Variants in DCLK3 observed in about 807,000 individuals in gnomAD.
DCLK3 encodes serine/threonine-protein kinase DCLK3.
Under a neutral mutation model 46.4 loss-of-function variants are expected in DCLK3, and 30 were observed. The ratio of observed to expected loss-of-function variants is 0.65; its 90% CI spans 0.48 to 0.88. The LOEUF (loss-of-function observed/expected upper bound fraction) is 0.88. DCLK3 is among the 40% of genes least tolerant of loss of function. DCLK3 has a pLI of 0.00. For missense variants in DCLK3, 846 were observed against 907.1 expected (o/e 0.93, Z 0.87); for synonymous variants, 401 against 339.2 (o/e 1.18, Z -2.00).
intron 2 of DCLK3, among the ~76,000 whole-genome samples, chr3:36,724,991 C>G (rs934638781): frequency 2.4e-4 from 36 of 148,012 alleles, no homozygotes; most frequent in Non-Finnish European, 4.8e-4. Flanking sequence ...CTTTACTCAT[C>G]TGAGCCTCTG....
At chr3:36,718,305 C>A (rs567892553) in intron 3 of DCLK3, 128 bp from the exon 4 acceptor site, 3 of 1,283,930 alleles carry the variant, frequency 2.3e-6, no homozygotes, top group African/African-American at 1.5e-5. Flanking sequence ...TCTCAGCAAC[C>A]AAGAGCCACT....
intron 1 of DCLK3, among the ~76,000 whole-genome samples, chr3:36,745,461 G>T (rs189473887): frequency 1.1e-4 from 16 of 152,222 alleles, no homozygotes; most frequent in African/African-American, 3.6e-4. Flanking sequence ...AATGAATTCG[G>T]TGTTTTAAAC....
chr3:36,759,980 T>G (rs1440225205), intron 1 of DCLK3, among the ~76,000 whole-genome samples: 3 of 152,228 alleles, frequency 2.0e-5, no homozygotes, highest in Non-Finnish European at 4.4e-5. Context: ...GGCCAATGGC[T>G]TATTCATCTC....
intron 1 of DCLK3, among the ~76,000 whole-genome samples, chr3:36,741,245 C>T (rs544979349): frequency 9.9e-5 from 15 of 152,270 alleles, no homozygotes; most frequent in Middle Eastern, 6.8e-3. Context: ...GACTGTCAAA[C>T]GCATGTGCAC....
chr3:36,727,687 C>A (rs1199510195), intron 2 of DCLK3, among the ~76,000 whole-genome samples: 2 of 152,164 alleles, frequency 1.3e-5, no homozygotes, highest in African/African-American at 4.8e-5. Context: ...ATCAGTGGTG[C>A]CACTTGTCTC....
intron 2 of DCLK3, among the ~76,000 whole-genome samples, chr3:36,733,320 C>A (rs965351851): frequency 6.6e-6 from 1 of 152,186 alleles, no homozygotes; most frequent in African/African-American, 2.4e-5. Context: ...TCATTCCTTT[C>A]CACTCTGTTT....
At position 36,713,373 on chromosome 3, in the gene DCLK3, T is replaced by C. The variant is rs1700934356; in HGVS notation, c.*1955A>G. On this transcript the variant is annotated 3_prime_UTR_variant, in exon 5 of 5. Transcript: ENST00000636136. Reference sequence around the variant, plus strand: ...CTAATTTGAGGATTGAAAATTCTCTTTTGGATTTAGTGAAATGAAGGTTAC... The same window carrying C: ...CTAATTTGAGGATTGAAAATTCTCTCTTGGATTTAGTGAAATGAAGGTTAC... The C allele has an allele frequency of 6.6e-6, 1 of 152,210 alleles. No individual in the cohort carries two copies. Among genetic ancestry groups the C allele is most frequent in the Non-Finnish European group, 1.5e-5 (1 of 68,038 alleles). 9.4% of individuals were successfully genotyped at this position (152,210 alleles called of 1,614,324 possible).
intron 4 of DCLK3, 99 bp downstream of exon 4, chr3:36,717,911 C>G (rs1436389604): frequency 2.7e-6 from 4 of 1,464,232 alleles, no homozygotes; most frequent in Admixed American, 3.6e-5. Context: ...GACATGTTGA[C>G]AGTCCAACTC....
At position 36,732,618 on chromosome 3, in the gene DCLK3, G is replaced by A. The variant is rs920047661; in HGVS notation, c.1959+4590C>T. On this transcript the variant is annotated intron_variant, in intron 2 of 4. Coordinates refer to ENST00000636136, the MANE Select transcript of DCLK3 (RefSeq NM_001394672.2). Reference sequence around the variant, plus strand: ...TGTACTTTTTCTTTGGTAATTTCATGTTATTGCTGAAATTCACATTTATTT... The same window carrying A: ...TGTACTTTTTCTTTGGTAATTTCATATTATTGCTGAAATTCACATTTATTT... Among the ~76,000 whole-genome samples, 25 of 152,318 alleles carry A rather than the reference G, an allele frequency of 1.6e-4. 1 individual carries two copies. The highest frequency in any genetic ancestry group is 6.0e-4 in the African/African-American group (25 of 41,564).
intron 1 of DCLK3, among the ~76,000 whole-genome samples, chr3:36,754,555 G>A (rs1207696650): frequency 1.3e-5 from 2 of 152,182 alleles, no homozygotes; most frequent in African/African-American, 4.8e-5. Context: ...TCATCTAGGA[G>A]AAGACTTTGA....
Position 36,738,467 on chromosome 3 carries a change from C to T in DCLK3, c.700G>A (p.Glu234Lys), listed in dbSNP as rs746230526. ...ATGGCTGCCTTGCATCCTGCAACTT[C>T]GCTGCAGCTCTTGGGGGTCTCGGTC... ...GETETPKSCSEVAGCKAAMRH... is the reference protein window; with the variant it reads ...GETETPKSCSKVAGCKAAMRH... Residue 234 changes from glutamate to lysine, a missense_variant, in exon 2 of 5, where the codon GAA becomes AAA. Around this residue, in one of 3 missense-constraint regions of DCLK3, gnomAD observed 553 missense variants for 543.0 expected, o/e 1.02. Coordinates refer to ENST00000636136, the MANE Select transcript of DCLK3 (RefSeq NM_001394672.2). 5.6e-5 allele frequency: 82 copies of T among 1,476,694 alleles called. No homozygotes were observed. The highest frequency in any genetic ancestry group is 6.6e-5 in the Non-Finnish European group (74 of 1,114,800). The allele number at this position is 1,476,694 out of a possible 1,614,324, so 91.5% of individuals were successfully genotyped here. A position where few individuals can be genotyped will look rare whatever the true frequency, so the allele number is the denominator to read the frequency against.
intron 1 of DCLK3, among the ~76,000 whole-genome samples, chr3:36,745,546 C>T (rs1168430958): frequency 6.6e-6 from 1 of 152,172 alleles, no homozygotes; most frequent in Non-Finnish European, 1.5e-5. Context: ...ACATTATTAA[C>T]CCCCTCCTCC....
At position 36,715,268 on chromosome 3, in the gene DCLK3, T is replaced by G. The variant is rs1364652232; in HGVS notation, c.*60A>C. 1 of 1,575,250 alleles carries G rather than the reference T, an allele frequency of 6.3e-7. No individual in the cohort carries two copies. The highest frequency in any genetic ancestry group is 2.3e-5 in the East Asian group (1 of 43,442). ...TCTTTCATTGTTTTTCTCTCAAACTTCTATCCTTTTCTCTGTCCTTGAGCA... is the reference window on the plus strand; with the variant it reads ...TCTTTCATTGTTTTTCTCTCAAACTGCTATCCTTTTCTCTGTCCTTGAGCA... On this transcript the variant is annotated 3_prime_UTR_variant, in exon 5 of 5. Transcript: ENST00000636136.
At chr3:36,743,813 A>T (rs1227366027) in intron 1 of DCLK3, among the ~76,000 whole-genome samples, 1 of 152,028 alleles carries the variant, frequency 6.6e-6, no homozygotes, top group Middle Eastern at 3.2e-3. Flanking sequence ...TGCTTGACAC[A>T]TAAGGCCCTT....
chr3:36,724,428 A>G (rs941444221), intron 2 of DCLK3, among the ~76,000 whole-genome samples: 1 of 152,156 alleles, frequency 6.6e-6, no homozygotes, highest in African/African-American at 2.4e-5. Flanking sequence ...GAGATTTGGG[A>G]GGGGCCAGGG....
At chr3:36,753,931 C>T (rs181400429) in intron 1 of DCLK3, among the ~76,000 whole-genome samples, 1 of 152,160 alleles carries the variant, frequency 6.6e-6, no homozygotes, top group Admixed American at 6.5e-5. Flanking sequence ...TCTCGCGCCT[C>T]GGCCTCCCAA....
Position 36,738,086 on chromosome 3 carries a change from C to A in DCLK3, c.1081G>T (p.Ala361Ser). Residue 361 changes from alanine to serine, a missense_variant, in exon 2 of 5, where the codon GCA becomes TCA. Transcript: ENST00000636136. ...SCRRSPEANPASGEEGWKGDS... is the reference protein window; with the variant it reads ...SCRRSPEANPSSGEEGWKGDS... Reference sequence around the variant, plus strand: ...CCCTTCCACCCTTCCTCCCCACTTGCAGGATTTGCCTCGGGAGACCTCCTG... The same window carrying A: ...CCCTTCCACCCTTCCTCCCCACTTGAAGGATTTGCCTCGGGAGACCTCCTG... 1 of 1,613,592 alleles carries A rather than the reference C, an allele frequency of 6.2e-7. No homozygotes were observed. Among genetic ancestry groups the A allele is most frequent in the Non-Finnish European group, 8.5e-7 (1 of 1,179,794 alleles).
intron 2 of DCLK3, among the ~76,000 whole-genome samples, chr3:36,733,743 C>A (rs532966521): frequency 7.9e-5 from 12 of 152,298 alleles, no homozygotes; most frequent in African/African-American, 2.9e-4. Context: ...GGAAGAAGAG[C>A]ACCATCATCT....
rs9834430 is a variant in DCLK3, at chr3:36,763,182, C to A, written c.82+1000G>T. Among the ~76,000 whole-genome samples, 944 of 152,284 alleles carry A rather than the reference C, an allele frequency of 6.2e-3. 7 individuals are homozygous for A. The highest frequency in any genetic ancestry group is 0.021 in the African/African-American group (872 of 41,560). On this transcript the variant is annotated intron_variant, in intron 1 of 4. Coordinates refer to ENST00000636136, the MANE Select transcript of DCLK3 (RefSeq NM_001394672.2). Reference sequence around the variant, plus strand: ...TGACAGCCAATGATGAAGGTGGGACCCTGCTTCAATTTAACAGCTGTCATC... The same window carrying A: ...TGACAGCCAATGATGAAGGTGGGACACTGCTTCAATTTAACAGCTGTCATC...
Sources: gnomAD v4.1 joint callset for allele counts (sites outside exome capture counted in the v4.1 genomes callset) on GRCh38, gnomAD v4.1.1 for gene constraint, gnomAD v4.1.1 regional missense constraint, MANE v1.5 for transcripts, NCBI Gene and HGNC (gene_info 2026-07-23, HGNC 2026-07-21) for gene names.